The following NARS1 variants were observed in gnomAD, a reference collection of about 807,000 sequenced individuals.
NARS1 encodes the protein asparaginyl-tRNA synthetase 1.
Under a neutral mutation model 79.2 loss-of-function variants are expected in NARS1, and 65 were observed. The ratio of observed to expected loss-of-function variants is 0.82; its 90% CI spans 0.67 to 1.01. The LOEUF is 1.01. NARS1 is among the 50% of genes least tolerant of loss of function. NARS1 has a pLI of 0.00. For missense variants in NARS1, 649 were observed against 673.8 expected, an observed-to-expected ratio of 0.96 and a Z score of 0.41; for synonymous variants, 229 against 238.8, an observed-to-expected ratio of 0.96 and a Z score of 0.38.
At position 57,611,700 on chromosome 18, in the gene NARS1, A is replaced by T; in HGVS notation, c.429T>A (p.Asn143Lys). ...CATCTCGCAACACCAGAAACATTAA[A>T]TTCTTTCCTAAAAAATGAGAAATAA... ...WVHRLRRQGK[N>K]LMFLVLRDGT... is the part of the protein sequence containing the mutation. The change falls in exon 6 of 14, where the codon AAT (asparagine) becomes AAA (lysine). Residue 143 changes from asparagine (N) to lysine (K), a missense_variant. Physicochemically the swap from Asn to Lys is moderately conservative, Grantham distance 94. Coordinates refer to ENST00000256854, the MANE Select transcript of NARS1 (RefSeq NM_004539.4). The T allele has an allele frequency of 1.9e-6, 3 of 1,581,276 alleles. No homozygotes were observed. Among genetic ancestry groups the T allele is most frequent in the Non-Finnish European group, 2.6e-6 (3 of 1,162,740 alleles).
intron 2 of NARS1, among the ~76,000 whole-genome samples, chr18:57,617,779 G>C (rs1370600086): frequency 6.6e-6 from 1 of 150,782 alleles, no homozygotes; most frequent in Non-Finnish European, 1.5e-5. Flanking sequence ...GCCAGGTGTG[G>C]TGGCACACGC....
At chr18:57,603,644 T>C (rs1453515387) in intron 11 of NARS1, among the ~76,000 whole-genome samples, 2 of 152,212 alleles carry the variant, frequency 1.3e-5, no homozygotes, top group East Asian at 3.9e-4. Context: ...ACAACTCTCG[T>C]CCCAGTAAAA....
intron 5 of NARS1, among the ~76,000 whole-genome samples, chr18:57,613,055 T>C (rs529507608): frequency 6.6e-6 from 1 of 152,272 alleles, no homozygotes; most frequent in South Asian, 2.1e-4. Flanking sequence ...CTTTCAATAG[T>C]CATTTTAAAC....
intron 5 of NARS1, among the ~76,000 whole-genome samples, chr18:57,612,029 T>G (rs1434589581): frequency 1.3e-5 from 2 of 152,142 alleles, no homozygotes; most frequent in African/African-American, 2.4e-5. Context: ...AGCGCTGATA[T>G]TACAGGTGTG....
intron 9 of NARS1, 88 bp from the exon 10 acceptor site, chr18:57,606,839 T>G: frequency 6.5e-7 from 1 of 1,545,464 alleles, no homozygotes; most frequent in Non-Finnish European, 8.8e-7. Context: ...AAGCTGTCCA[T>G]AAAATGCCAA....
At chr18:57,618,067 A>G (rs1161556094) in intron 2 of NARS1, among the ~76,000 whole-genome samples, 1 of 151,896 alleles carries the variant, frequency 6.6e-6, no homozygotes, top group East Asian at 1.9e-4. Context: ...ACCTGAGCTC[A>G]AGAGTTCGAG....
Position 57,605,343 on chromosome 18 carries a change from T to G in NARS1, c.1251+514A>C, listed in dbSNP as rs184346796. 7.4e-3 allele frequency among the ~76,000 whole-genome samples: 1,127 copies of G among 151,752 alleles called. 5 individuals are homozygous for G. Among genetic ancestry groups the G allele is most frequent in the Middle Eastern group, 0.014 (4 of 292 alleles). On this transcript the variant is annotated intron_variant, in intron 11 of 13. Transcript: ENST00000256854. Reference sequence around the variant, plus strand: ...CTCACACTTGGCCAGAAGCGGTGGCTCACGCCTATAATCCCAGCACTTTGG... The same window carrying G: ...CTCACACTTGGCCAGAAGCGGTGGCGCACGCCTATAATCCCAGCACTTTGG...
chr18:57,610,880 C>T (rs1390611116), intron 6 of NARS1, among the ~76,000 whole-genome samples: 1 of 151,694 alleles, frequency 6.6e-6, no homozygotes, highest in African/African-American at 2.4e-5. Flanking sequence ...GCAGTACGAA[C>T]TGATAACAAG....
rs1908096570 is a variant in NARS1 at position 57,617,473 on chromosome 18, G to A, written c.94-1498C>T. On this transcript the variant is annotated intron_variant, in intron 2 of 13. Coordinates refer to ENST00000256854, the MANE Select transcript of NARS1 (RefSeq NM_004539.4). ...TGTAGTCCCAGCTACTCAGGAGGCTGAGGCAGGAGAATGGCGTGAACCTGG... is the reference window on the plus strand; with the variant it reads ...TGTAGTCCCAGCTACTCAGGAGGCTAAGGCAGGAGAATGGCGTGAACCTGG... Among the ~76,000 whole-genome samples the A allele has an allele frequency of 2.0e-5, 3 of 151,146 alleles. 1 individual carries two copies. Among genetic ancestry groups the A allele is most frequent in the South Asian group, 4.2e-4 (2 of 4,790 alleles).
chr18:57,615,611 C>G, intron 4 of NARS1, 30 bp downstream of exon 4: 1 of 1,484,860 alleles, frequency 6.7e-7, no homozygotes, highest in Non-Finnish European at 9.4e-7. Context: ...TAGCCAAGTC[C>G]ACGGTATTTG....
At chr18:57,603,493 C>G (rs900983342) in intron 11 of NARS1, among the ~76,000 whole-genome samples, 1 of 151,760 alleles carries the variant, frequency 6.6e-6, no homozygotes, top group Non-Finnish European at 1.5e-5. Context: ...GACAAATAAC[C>G]AATGTCAAAC....
intron 6 of NARS1, 115 bp downstream of exon 6, chr18:57,611,522 A>T: frequency 1.5e-6 from 1 of 654,776 alleles, no homozygotes; most frequent in Non-Finnish European, 2.5e-6. Flanking sequence ...TGATGTTTTG[A>T]TTCATTGACA....
intron 11 of NARS1, 32 bp downstream of exon 11, chr18:57,605,825 C>T: frequency 6.9e-7 from 1 of 1,447,576 alleles, no homozygotes; most frequent in Non-Finnish European, 9.6e-7. Context: ...CCCAATCCCA[C>T]CTTGGAAACA....
At chr18:57,604,934 C>T (rs1169874934) in intron 11 of NARS1, among the ~76,000 whole-genome samples, 7 of 152,012 alleles carry the variant, frequency 4.6e-5, no homozygotes, top group Non-Finnish European at 1.5e-5. Context: ...GAGAGTGGTT[C>T]TCAGGCAAAA....
In NARS1 at chr18:57,615,950, G is replaced by T. The variant is rs770197119; in HGVS notation, c.119C>A (p.Pro40Gln). Residue 40 changes from proline to glutamine, a missense_variant, in exon 3 of 14, where the codon CCA becomes CAA. Pro to Gln is a moderately conservative substitution (Grantham distance 76). Coordinates refer to ENST00000256854, the MANE Select transcript of NARS1 (RefSeq NM_004539.4). ...TGAATCTACGTAAATGGTAGGAAAT[G>T]GTTCTTTCCCTACTGTCATCAAAGC... ...LKALMTVGKE[P>Q]FPTIYVDSQK... 2 of 1,611,288 alleles carry T rather than the reference G, an allele frequency of 1.2e-6. No individual in the cohort carries two copies. The highest frequency in any genetic ancestry group is 2.7e-5 in the African/African-American group (2 of 74,864).
chr18:57,605,153 A>ATC, intron 11 of NARS1, among the ~76,000 whole-genome samples: 1 of 148,688 alleles, frequency 6.7e-6, no homozygotes, highest in African/African-American at 2.5e-5. Flanking sequence ...ATATATATAT[A>ATC]TCTATATACC....
chr18:57,606,609 C>T lies in NARS1; in HGVS notation c.1137+7G>A, dbSNP rs1328718090. ...TGACTTTTTCTTTCCATAAACACTGCACCTACCGGGTTGAGCTCATGCACT... is the reference window on the plus strand; with the variant it reads ...TGACTTTTTCTTTCCATAAACACTGTACCTACCGGGTTGAGCTCATGCACT... On this transcript the variant is annotated splice_region_variant and intron_variant, in intron 10 of 13. Transcript: ENST00000256854. The T allele has an allele frequency of 5.0e-6, 8 of 1,612,222 alleles. No individual in the cohort carries two copies. In the South Asian group the frequency reaches 8.8e-5, roughly 18 times the overall value.
rs79300200 is a variant in NARS1 at position 57,620,867 on chromosome 18, C to T, written c.11-216G>A. Among the ~76,000 whole-genome samples the T allele has an allele frequency of 6.4e-3, 974 of 152,298 alleles. 19 individuals carry two copies. Among genetic ancestry groups the T allele is most frequent in the African/African-American group, 0.022 (926 of 41,548 alleles). ...ATAATCCAGGTTTTCAAAATGAACT[C>T]TGATCATTTTAATTTGTGATATTTA... On this transcript the variant is annotated intron_variant, in intron 1 of 13. Transcript: ENST00000256854.
intron 5 of NARS1, among the ~76,000 whole-genome samples, chr18:57,613,347 G>A (rs1457765045): frequency 3.9e-5 from 6 of 152,140 alleles, no homozygotes; most frequent in African/African-American, 1.2e-4. Context: ...ACAAAAATCA[G>A]CCAGGTGTGG....
Sources: allele counts gnomAD v4.1 joint callset (sites outside exome capture counted in the v4.1 genomes callset), GRCh38; gene constraint gnomAD v4.1.1; transcripts MANE v1.5; gene names NCBI Gene and HGNC (gene_info 2026-07-23, HGNC 2026-07-21).